PRKG2: variants seen among roughly 807,000 people sequenced by gnomAD.
PRKG2 encodes cGMP-dependent protein kinase 2.
In PRKG2, 33 loss-of-function variants were observed where a neutral mutation model predicts 97.2. That is an observed-to-expected ratio of 0.34 (90% confidence interval 0.26 to 0.45). PRKG2 has a LOEUF of 0.45. PRKG2 is among the 20% of genes least tolerant of loss of function. The pLI is 1.00. For synonymous variants in PRKG2, 330 were observed against 321.8 expected, an observed-to-expected ratio of 1.03 and a Z score of -0.27; for missense variants, 638 against 900.0, an observed-to-expected ratio of 0.71 and a Z score of 3.73.
At chr4:81,195,462 T>G (rs1752902991) in intron 2 of PRKG2, among the ~76,000 whole-genome samples, 2 of 152,106 alleles carry the variant, frequency 1.3e-5, no homozygotes, top group Non-Finnish European at 2.9e-5. Context: ...ATAAGTATAT[T>G]CTCATTGTTT....
chr4:81,200,050 G>C (rs1051288518), intron 2 of PRKG2, among the ~76,000 whole-genome samples: 3 of 152,350 alleles, frequency 2.0e-5, no homozygotes, highest in South Asian at 2.1e-4. Flanking sequence ...TAATTTGCCT[G>C]TGTTCCACCA....
chr4:81,122,151 G>T (rs998804819), intron 14 of PRKG2, among the ~76,000 whole-genome samples: 1 of 152,280 alleles, frequency 6.6e-6, no homozygotes. Context: ...TGCAAAAAAG[G>T]CTAGCTATTA....
At chr4:81,177,805 G>C (rs1751066235) in intron 2 of PRKG2, among the ~76,000 whole-genome samples, 1 of 151,976 alleles carries the variant, frequency 6.6e-6, no homozygotes, top group African/African-American at 2.4e-5. Flanking sequence ...AAGCTGATTA[G>C]ATAGATAGAT....
intron 4 of PRKG2, among the ~76,000 whole-genome samples, chr4:81,170,669 G>A (rs1361511253): frequency 6.6e-6 from 1 of 151,986 alleles, no homozygotes; most frequent in African/African-American, 2.4e-5. Flanking sequence ...TCATATCTAT[G>A]TAATTCAGAA....
intron 14 of PRKG2, among the ~76,000 whole-genome samples, chr4:81,134,821 C>G (rs1746514276): frequency 6.6e-6 from 1 of 151,912 alleles, no homozygotes. Context: ...TTTATTATTC[C>G]TTATAGCCAC....
rs559090742 is a variant in PRKG2 at position 81,209,893 on chromosome 4, AG to A, written c.-13-4834del. 2.0e-5 allele frequency among the ~76,000 whole-genome samples: 3 copies of A among 152,310 alleles called. No individual in the cohort carries two copies. In the East Asian group the frequency reaches 5.8e-4, roughly 29 times the overall value. ...GACAAGTAGATCAATGGAACAGAAC[AG>A]AGATCCCAGAGGTAGACCTAAACAG... is the stretch of plus-strand genomic sequence containing the variant. On this transcript the variant is annotated intron_variant, in intron 1 of 18. Transcript: ENST00000264399.
chr4:81,199,214 G>T lies in PRKG2; in HGVS notation c.461+5373C>A, dbSNP rs1489611741. 2.0e-5 allele frequency among the ~76,000 whole-genome samples: 3 copies of T among 152,114 alleles called. No homozygotes were observed. The East Asian group carries it at 5.8e-4, about 29-fold the overall frequency. On this transcript the variant is annotated intron_variant, in intron 2 of 18. Coordinates refer to ENST00000264399, the MANE Select transcript of PRKG2 (RefSeq NM_006259.3). Reference sequence around the variant, plus strand: ...AGTATTTCATGGAAGGGAAAAAAGGGATGTTTCCTCCCCAGCAAAAGTTCC... The same window carrying T: ...AGTATTTCATGGAAGGGAAAAAAGGTATGTTTCCTCCCCAGCAAAAGTTCC...
intron 14 of PRKG2, among the ~76,000 whole-genome samples, chr4:81,133,394 A>G (rs529539329): frequency 2.0e-5 from 3 of 152,086 alleles, no homozygotes; most frequent in Non-Finnish European, 4.4e-5. Context: ...CATAAGTCCA[A>G]CGCTTGGTCT....
rs567099040 is a variant in PRKG2 at position 81,137,220 on chromosome 4, C to T, written c.1634+173G>A. Among the ~76,000 whole-genome samples, 33 of 152,296 alleles carry T rather than the reference C, an allele frequency of 2.2e-4. No individual in the cohort carries two copies. In the South Asian group the frequency reaches 6.4e-3, roughly 30 times the overall value. ...AACAGAGATGACAACAACTACCTTACGTGGTGTTACGGCACTATTGTAGCA... is the reference window on the plus strand; with the variant it reads ...AACAGAGATGACAACAACTACCTTATGTGGTGTTACGGCACTATTGTAGCA... On this transcript the variant is annotated intron_variant, in intron 13 of 18. Transcript: ENST00000264399.
intron 9 of PRKG2, among the ~76,000 whole-genome samples, chr4:81,145,057 G>T (rs1172982665): frequency 6.6e-6 from 1 of 151,832 alleles, no homozygotes; most frequent in Non-Finnish European, 1.5e-5. Flanking sequence ...GAGTAGTGCC[G>T]CAATAAACAT....
intron 2 of PRKG2, among the ~76,000 whole-genome samples, chr4:81,188,029 C>A (rs904003647): frequency 2.0e-4 from 30 of 152,212 alleles, no homozygotes; most frequent in African/African-American, 6.7e-4. Context: ...AATGGGATCT[C>A]ATTAAACTAA....
At chr4:81,168,669 T>G (rs1210935231) in intron 5 of PRKG2, among the ~76,000 whole-genome samples, 1 of 152,116 alleles carries the variant, frequency 6.6e-6, no homozygotes, top group African/African-American at 2.4e-5. Flanking sequence ...GGCATATAGA[T>G]AGAGAACCTG....
At chr4:81,171,235 C>T (rs114561316) in intron 4 of PRKG2, among the ~76,000 whole-genome samples, 16,561 of 151,226 alleles carry the variant, frequency 0.11, 1,103 homozygotes, top group Middle Eastern at 0.21. Flanking sequence ...CATTGTCCAA[C>T]GCCCACTTAT....
At chr4:81,157,867 C>CA (rs1314181024) in intron 6 of PRKG2, among the ~76,000 whole-genome samples, 1 of 147,454 alleles carries the variant, frequency 6.8e-6, no homozygotes, top group Non-Finnish European at 1.5e-5. Flanking sequence ...AGGCCTTTGA[C>CA]AAAATTCAAC....
chr4:81,162,963 C>G (rs1749692423), intron 6 of PRKG2, among the ~76,000 whole-genome samples: 1 of 152,118 alleles, frequency 6.6e-6, no homozygotes, highest in Admixed American at 6.6e-5. Flanking sequence ...TATTATGAAG[C>G]CTTTGATGTG....
intron 1 of PRKG2, among the ~76,000 whole-genome samples, chr4:81,208,915 T>G (rs1189368665): frequency 6.6e-6 from 1 of 152,144 alleles, no homozygotes; most frequent in Non-Finnish European, 1.5e-5. Context: ...GCTCTGTAAT[T>G]CCCTCATGTA....
chr4:81,181,738 A>G (rs1044628772), intron 2 of PRKG2, among the ~76,000 whole-genome samples: 1 of 152,026 alleles, frequency 6.6e-6, no homozygotes, highest in Non-Finnish European at 1.5e-5. Context: ...AGTATGAACA[A>G]CTTTATAGTT....
intron 14 of PRKG2, among the ~76,000 whole-genome samples, chr4:81,132,523 C>A (rs541206675): frequency 7.2e-5 from 11 of 152,134 alleles, no homozygotes; most frequent in Admixed American, 7.2e-4. Flanking sequence ...GAGGTTTATT[C>A]CCCATTCCTT....
At chr4:81,111,469 T>A (rs1392708762) in intron 14 of PRKG2, among the ~76,000 whole-genome samples, 1 of 152,240 alleles carries the variant, frequency 6.6e-6, no homozygotes, top group Non-Finnish European at 1.5e-5. Flanking sequence ...TATCATGTAA[T>A]ACATGATATA....
Sources: gnomAD v4.1 joint callset for allele counts (sites outside exome capture counted in the v4.1 genomes callset) on GRCh38, gnomAD v4.1.1 for gene constraint, MANE v1.5 for transcripts, NCBI Gene and HGNC (gene_info 2026-07-23, HGNC 2026-07-21) for gene names.